Variants in ZNF236 observed in about 807,000 individuals in gnomAD.
ZNF236 encodes the protein regulated by glucose.
ZNF236 carries 50 observed loss-of-function variants against 191.2 expected under a neutral mutation model. That is an observed-to-expected ratio of 0.26 (90% CI 0.21 to 0.33). ZNF236 has a LOEUF of 0.33. ZNF236 is among the 10% of genes least tolerant of loss of function. The pLI is 1.00. For synonymous variants in ZNF236, 907 were observed against 928.8 expected, an observed-to-expected ratio of 0.98 and a Z score of 0.43; for missense variants, 1,754 against 2,374.5, an observed-to-expected ratio of 0.74 and a Z score of 5.43.
intron 30 of ZNF236, among the ~76,000 whole-genome samples, chr18:76,966,985 C>T (rs1212984370): frequency 6.6e-6 from 1 of 152,006 alleles, no homozygotes; most frequent in Non-Finnish European, 1.5e-5. Flanking sequence ...TCTGTGAGAT[C>T]TGTGGTTTGT....
At chr18:76,937,093 A>G (rs771683835) in intron 25 of ZNF236, 63 bp from the exon 26 acceptor site, 5 of 1,516,778 alleles carry the variant, frequency 3.3e-6, no homozygotes, top group Admixed American at 1.7e-5. Flanking sequence ...CGCTCTCCCT[A>G]TGCCCTTACA....
chr18:76,897,618 T>G (rs1333547059), intron 10 of ZNF236, among the ~76,000 whole-genome samples: 2 of 151,474 alleles, frequency 1.3e-5, no homozygotes, highest in Non-Finnish European at 2.9e-5. Context: ...ACAGGCATCA[T>G]GCACAGTACC....
chr18:76,891,395 G>A (rs1268994325), intron 9 of ZNF236, among the ~76,000 whole-genome samples: 4 of 149,936 alleles, frequency 2.7e-5, no homozygotes, highest in African/African-American at 9.8e-5. Flanking sequence ...TTTTTTTTTC[G>A]AGACAGGGTC....
intron 12 of ZNF236, among the ~76,000 whole-genome samples, chr18:76,904,843 TTAGTGC>T (rs1345224252): frequency 6.6e-6 from 1 of 152,232 alleles, no homozygotes; most frequent in African/African-American, 2.4e-5. Context: ...AGATTAATTC[TTAGTGC>T]TAGCCACAGT....
Position 76,947,513 on chromosome 18 carries a change from T to C in ZNF236, c.4783-8T>C, listed in dbSNP as rs1311521440. The C allele has an allele frequency of 6.2e-7, 1 of 1,610,218 alleles. No individual in the cohort carries two copies. The highest frequency in any genetic ancestry group is 1.3e-5 in the African/African-American group (1 of 74,600). Reference sequence around the variant, plus strand: ...ACAACTTCTGAAATAGTACTAATCTTTTGCCAGGGTCAGCAGTTCCCAGCG... The same window carrying C: ...ACAACTTCTGAAATAGTACTAATCTCTTGCCAGGGTCAGCAGTTCCCAGCG... On this transcript the variant is annotated splice_polypyrimidine_tract_variant and splice_region_variant and intron_variant, in intron 26 of 30. Coordinates refer to ENST00000320610, the MANE Select transcript of ZNF236 (RefSeq NM_001306089.2).
chr18:76,839,007 C>T (rs757420495), intron 1 of ZNF236, among the ~76,000 whole-genome samples: 1 of 152,180 alleles, frequency 6.6e-6, no homozygotes, highest in Non-Finnish European at 1.5e-5. Flanking sequence ...TTACGTCTGG[C>T]TTCTTTTGGT....
rs1326148312 is a variant in ZNF236, at chr18:76,925,875, A to G, written c.4027+321A>G. On this transcript the variant is annotated intron_variant, in intron 22 of 30. Coordinates refer to ENST00000320610, the MANE Select transcript of ZNF236 (RefSeq NM_001306089.2). This position sits in a 1 kb window ranked among gnomAD's most constrained non-coding sequence, Gnocchi z 5.7. ...TAGTAGTGAGAAGTGTAATTTATAA[A>G]TACTCAATAGCATTGTTTTTGATAT... Among the ~76,000 whole-genome samples, 2 of 152,222 alleles carry G rather than the reference A, an allele frequency of 1.3e-5. No homozygotes were observed. The highest frequency in any genetic ancestry group is 2.9e-5 in the Non-Finnish European group (2 of 68,040).
At position 76,915,239 on chromosome 18, in the gene ZNF236, C is replaced by T. The variant is rs151267148; in HGVS notation, c.3062-408C>T. Reference sequence around the variant, plus strand: ...CTAGTTCTTAATGCCTAATCTACCTCATGTGCTATGGGAGTGATGAAAAGA... The same window carrying T: ...CTAGTTCTTAATGCCTAATCTACCTTATGTGCTATGGGAGTGATGAAAAGA... On this transcript the variant is annotated intron_variant, in intron 18 of 30. Transcript: ENST00000320610. Among the ~76,000 whole-genome samples, 25 of 152,296 alleles carry T rather than the reference C, an allele frequency of 1.6e-4. No homozygotes were observed. In the South Asian group the frequency reaches 2.5e-3, roughly 15 times the overall value.
At chr18:76,837,437 CTTTTTT>C (rs71760598) in intron 1 of ZNF236, among the ~76,000 whole-genome samples, 44 of 105,880 alleles carry the variant, frequency 4.2e-4, no homozygotes, top group East Asian at 1.6e-3. Flanking sequence ...TTTTCTTTTT[CTTTTTT>C]TTTTTTTTTT....
rs1968892902 is a variant in ZNF236 at position 76,970,573 on chromosome 18, T to C, written c.*2234T>C. ...TCTTTGTGGGGTACAGGTTGATCTT[T>C]ATATTTTACTGGTTGTTTTAAAAAT... is the stretch of plus-strand genomic sequence containing the variant. On this transcript the variant is annotated 3_prime_UTR_variant, in exon 31 of 31. Transcript: ENST00000320610. 2 of 152,694 alleles carry C rather than the reference T, an allele frequency of 1.3e-5. No individual in the cohort carries two copies. The highest frequency in any genetic ancestry group is 1.3e-4 in the Admixed American group (2 of 15,280). 9.5% of individuals were successfully genotyped at this position (152,694 alleles called of 1,614,324 possible).
chr18:76,901,895 C>T (rs1977605076), intron 11 of ZNF236, among the ~76,000 whole-genome samples: 1 of 152,158 alleles, frequency 6.6e-6, no homozygotes, highest in Non-Finnish European at 1.5e-5. Flanking sequence ...ACTTTGATAT[C>T]CTTGTCCAGT....
Position 76,875,812 on chromosome 18 carries a change from C to T in ZNF236, c.840+148C>T, listed in dbSNP as rs541335709. On this transcript the variant is annotated intron_variant, in intron 6 of 30. Transcript: ENST00000320610. The surrounding 1 kb of genome is among the most constrained non-coding windows in gnomAD (Gnocchi z 4.3). ...CAGACCCTGTTTTAAAAAATACATACGTGGGAATTTTTTTGGTTTATTACA... is the reference window on the plus strand; with the variant it reads ...CAGACCCTGTTTTAAAAAATACATATGTGGGAATTTTTTTGGTTTATTACA... 3.1e-5 allele frequency: 27 copies of T among 866,556 alleles called. No homozygotes were observed. Among genetic ancestry groups the T allele is most frequent in the Middle Eastern group, 4.0e-4 (1 of 2,516 alleles). 53.7% of individuals were successfully genotyped at this position (866,556 alleles called of 1,614,324 possible). A position where few individuals can be genotyped will look rare whatever the true frequency, so the allele number is the denominator to read the frequency against.
intron 14 of ZNF236, among the ~76,000 whole-genome samples, chr18:76,909,364 A>G (rs1490395607): frequency 6.6e-6 from 1 of 151,608 alleles, no homozygotes; most frequent in African/African-American, 2.4e-5. Context: ...CTTGCAGTGC[A>G]TACTATTTTG....
At chr18:76,825,012 C>T (rs758289398) in intron 1 of ZNF236, among the ~76,000 whole-genome samples, 1 of 152,226 alleles carries the variant, frequency 6.6e-6, no homozygotes, top group East Asian at 1.9e-4. Flanking sequence ...TTCCTCATCC[C>T]TTTAACAGAA....
intron 25 of ZNF236, among the ~76,000 whole-genome samples, chr18:76,932,791 G>C (rs1288642117): frequency 6.6e-6 from 1 of 152,224 alleles, no homozygotes; most frequent in Non-Finnish European, 1.5e-5. Context: ...GTGCCTCTTG[G>C]TGATCCTGGA....
chr18:76,917,215 C>A (rs1375160500), intron 19 of ZNF236, among the ~76,000 whole-genome samples: 1 of 152,150 alleles, frequency 6.6e-6, no homozygotes, highest in Non-Finnish European at 1.5e-5. Flanking sequence ...AAAATTCTGT[C>A]ATGAGATTTC....
chr18:76,965,621 C>A (rs919631057), intron 30 of ZNF236, among the ~76,000 whole-genome samples: 5 of 152,220 alleles, frequency 3.3e-5, no homozygotes, highest in African/African-American at 4.8e-5. Context: ...GGCTGTGGCT[C>A]CCTGAGAACA....
Position 76,875,805 on chromosome 18 carries a change from A to G in ZNF236, c.840+141A>G, listed in dbSNP as rs1345871135. The G allele has an allele frequency of 4.6e-5, 43 of 925,760 alleles. No individual in the cohort carries two copies. The highest frequency in any genetic ancestry group is 5.9e-5 in the Non-Finnish European group (41 of 698,538). 57.3% of individuals were successfully genotyped at this position (925,760 alleles called of 1,614,324 possible). Reference sequence around the variant, plus strand: ...TGCCGAGCAGACCCTGTTTTAAAAAATACATACGTGGGAATTTTTTTGGTT... The same window carrying G: ...TGCCGAGCAGACCCTGTTTTAAAAAGTACATACGTGGGAATTTTTTTGGTT... On this transcript the variant is annotated intron_variant, in intron 6 of 30. Coordinates refer to ENST00000320610, the MANE Select transcript of ZNF236 (RefSeq NM_001306089.2). The surrounding 1 kb of genome is among the most constrained non-coding windows in gnomAD (Gnocchi z 4.3).
rs770705012 is a variant in ZNF236 at position 76,927,176 on chromosome 18, G to A, written c.4167G>A (p.Thr1389=). 1.4e-5 allele frequency: 22 copies of A among 1,613,428 alleles called. No homozygotes were observed. The highest frequency in any genetic ancestry group is 1.6e-4 in the Middle Eastern group (1 of 6,082). The change falls in exon 23 of 31, where the codon ACG becomes ACA. Residue 1389 remains threonine, a synonymous_variant. Transcript: ENST00000320610. This position sits in a 1 kb window ranked among gnomAD's most constrained non-coding sequence, Gnocchi z 5.4. Reference sequence around the variant, plus strand: ...ATGCTGCCAGCATTAATAACATTACGTTGCAGGTATGACACCTTCCATGGT... The same window carrying A: ...ATGCTGCCAGCATTAATAACATTACATTGCAGGTATGACACCTTCCATGGT... ...GIDAASINNI[T]LQIDPSILQQ...
Sources: gnomAD v4.1 joint callset for allele counts (sites outside exome capture counted in the v4.1 genomes callset) on GRCh38, gnomAD v4.1.1 for gene constraint, Gnocchi (gnomAD v3.1) non-coding constraint, MANE v1.5 for transcripts, NCBI Gene and HGNC (gene_info 2026-07-23, HGNC 2026-07-21) for gene names.